The following PMM2 variants were observed in gnomAD, a reference collection of about 807,000 sequenced individuals.
PMM2 encodes the protein mannose-6-phosphate isomerase.
PMM2 carries 35 observed loss-of-function variants against 33.2 expected under a neutral mutation model. The observed-to-expected ratio is 1.06, with a 90% CI of 0.81 to 1.40. The LOEUF (loss-of-function observed/expected upper bound fraction) is 1.40. PMM2 is among the 40% of genes most tolerant of loss of function. The probability of loss-of-function intolerance (pLI) is 0.00; values close to 1 mark genes in which losing one functional copy is unlikely to be tolerated. For synonymous variants in PMM2, 153 were observed against 114.7 expected (o/e 1.33, Z -2.13); for missense variants, 386 against 306.0 (o/e 1.26, Z -1.95).
intron 7 of PMM2, among the ~76,000 whole-genome samples, chr16:8,824,720 A>G (rs1158159616): frequency 6.6e-6 from 1 of 152,088 alleles, no homozygotes; most frequent in African/African-American, 2.4e-5. Context: ...GGTTTGAAAC[A>G]CTAGATATCA....
At position 8,818,165 on chromosome 16, in the gene PMM2, G is replaced by A. The variant is rs535701431; in HGVS notation, c.639+5059G>A. Among the ~76,000 whole-genome samples, 225 of 152,320 alleles carry A rather than the reference G, an allele frequency of 1.5e-3. 1 individual carries two copies. Among genetic ancestry groups the A allele is most frequent in the Non-Finnish European group, 1.7e-3 (115 of 68,028 alleles). On this transcript the variant is annotated intron_variant, in intron 7 of 7. Transcript: ENST00000268261. ...GATCCGTCCGCCTCGGCCTCCCAAA[G>A]TGCTGGGATTACAGGCGTGAGCCAC... is the stretch of plus-strand genomic sequence containing the variant.
chr16:8,843,107 T>A (rs914609432), intron 7 of PMM2, among the ~76,000 whole-genome samples: 3 of 152,076 alleles, frequency 2.0e-5, no homozygotes, highest in Admixed American at 1.3e-4. Flanking sequence ...AAATGAGTGC[T>A]TCAAAGAGTA....
intron 7 of PMM2, among the ~76,000 whole-genome samples, chr16:8,825,347 C>T (rs147793405): frequency 0.023 from 3,518 of 150,816 alleles, 136 homozygotes; most frequent in African/African-American, 0.079. Flanking sequence ...AGTTTTGAGA[C>T]GGAGTTTCAC....
intron 1 of PMM2, among the ~76,000 whole-genome samples, chr16:8,800,642 A>G (rs1211519302): frequency 1.3e-5 from 2 of 151,330 alleles, no homozygotes; most frequent in African/African-American, 4.9e-5. Flanking sequence ...GGTGATTGCA[A>G]TAAAATCAAT....
chr16:8,834,774 G>A (rs1205046273), intron 7 of PMM2, among the ~76,000 whole-genome samples: 3 of 152,110 alleles, frequency 2.0e-5, no homozygotes, highest in Non-Finnish European at 4.4e-5. Context: ...TGGTGGAACC[G>A]CCATCAATAA....
At chr16:8,832,750 G>A (rs577104154) in intron 7 of PMM2, 12,346 of 985,188 alleles carry the variant, frequency 0.013, 85 homozygotes, top group Non-Finnish European at 0.014. Context: ...GCGGCTACCC[G>A]TGAAATCCCA....
In PMM2 at chr16:8,820,967, C is replaced by T. The variant is rs141406208; in HGVS notation, c.639+7861C>T. On this transcript the variant is annotated intron_variant, in intron 7 of 7. Transcript: ENST00000268261. ...ACCATGTCCTCCTGTCCTCAGGTTC[C>T]AAGTTAGGCTTTGGATGGCAGTTGG... Among the ~76,000 whole-genome samples, 625 of 150,088 alleles carry T rather than the reference C, an allele frequency of 4.2e-3. 4 individuals carry two copies. Among genetic ancestry groups the T allele is most frequent in the South Asian group, 0.012 (54 of 4,616 alleles).
At chr16:8,845,945 A>G (rs2060923172) in intron 7 of PMM2, among the ~76,000 whole-genome samples, 1 of 152,168 alleles carries the variant, frequency 6.6e-6, no homozygotes, top group Non-Finnish European at 1.5e-5. Flanking sequence ...TCCGAAGGAA[A>G]AAAAAGGCAA....
At chr16:8,804,396 A>T (rs1260279618) in intron 2 of PMM2, among the ~76,000 whole-genome samples, 2 of 152,110 alleles carry the variant, frequency 1.3e-5, no homozygotes, top group Non-Finnish European at 2.9e-5. Context: ...ATTCTGATTC[A>T]GGAAGCGAGA....
intron 3 of PMM2, 133 bp downstream of exon 3, chr16:8,804,976 T>A (rs2060638811): frequency 1.5e-6 from 1 of 670,348 alleles, no homozygotes. Flanking sequence ...TTGTTTTGCA[T>A]TTTGAACCAT....
At chr16:8,803,366 C>T (rs1386728008) in intron 2 of PMM2, among the ~76,000 whole-genome samples, 2 of 152,182 alleles carry the variant, frequency 1.3e-5, no homozygotes, top group Non-Finnish European at 2.9e-5. Flanking sequence ...CATGATCGCC[C>T]TTTCTGCATC....
chr16:8,849,078 G>A lies in PMM2; in HGVS notation c.*1253G>A, dbSNP rs191099797. 1.3e-5 allele frequency: 2 copies of A among 152,386 alleles called. No individual in the cohort carries two copies. The highest frequency in any genetic ancestry group is 1.9e-4 in the East Asian group (1 of 5,188). 9.4% of individuals were successfully genotyped at this position (152,386 alleles called of 1,614,324 possible). On this transcript the variant is annotated 3_prime_UTR_variant, in exon 8 of 8. Transcript: ENST00000268261. ...CTGAGTCTGGGGCCAGGGGAGCCCA[G>A]GCTGCCCTGCACTCCTGCCTCCCAG...
Position 8,797,966 on chromosome 16 carries a change from G to C in PMM2, c.66+18G>C. 1 of 1,589,008 alleles carries C rather than the reference G, an allele frequency of 6.3e-7. No homozygotes were observed. Among genetic ancestry groups the C allele is most frequent in the Non-Finnish European group, 8.6e-7 (1 of 1,168,950 alleles). On this transcript the variant is annotated intron_variant, in intron 1 of 7. Coordinates refer to ENST00000268261, the MANE Select transcript of PMM2 (RefSeq NM_000303.3). ...CGCGGCAGGTAAGTGGCGGCCGGCG[G>C]GCTGCTGGCAGCCGACGCGGAGCCC...
At chr16:8,827,759 T>TATGC (rs1555451071) in intron 7 of PMM2, among the ~76,000 whole-genome samples, 2 of 75,310 alleles carry the variant, frequency 2.7e-5, no homozygotes, top group African/African-American at 5.0e-5. Context: ...TATATATATA[T>TATGC]ATGCACACAT....
At chr16:8,821,814 T>C (rs2141030108) in intron 7 of PMM2, among the ~76,000 whole-genome samples, 1 of 152,340 alleles carries the variant, frequency 6.6e-6, no homozygotes, top group East Asian at 1.9e-4. Context: ...CCTGATCACT[T>C]TCAAAACATC....
intron 7 of PMM2, among the ~76,000 whole-genome samples, chr16:8,837,553 C>T (rs2060858334): frequency 6.8e-6 from 1 of 148,052 alleles, no homozygotes; most frequent in Non-Finnish European, 1.5e-5. Flanking sequence ...TCCAGAAAAG[C>T]AGAGAAGGGG....
At chr16:8,844,902 G>A (rs2060915001) in intron 7 of PMM2, among the ~76,000 whole-genome samples, 1 of 152,220 alleles carries the variant, frequency 6.6e-6, no homozygotes, top group African/African-American at 2.4e-5. Context: ...TTGGTGAGAT[G>A]TTTCTTGGGC....
rs2060941987 is a variant in PMM2 at position 8,848,238 on chromosome 16, C to T, written c.*413C>T. The T allele has an allele frequency of 4.4e-6, 1 of 228,786 alleles. No homozygotes were observed. Among genetic ancestry groups the T allele is most frequent in the African/African-American group, 2.3e-5 (1 of 43,996 alleles). 14.2% of individuals were successfully genotyped at this position (228,786 alleles called of 1,614,324 possible). On this transcript the variant is annotated 3_prime_UTR_variant, in exon 8 of 8. Transcript: ENST00000268261. The stretch of plus-strand genomic sequence containing the variant: ...TTTTTAATGGGCCCCTGCATCAATA[C>T]CAAACATGGGGGTTTGGTAATGAGA...
chr16:8,802,258 C>CA (rs1266675755), intron 2 of PMM2: 1 of 451,968 alleles, frequency 2.2e-6, no homozygotes, highest in Admixed American at 2.4e-5. Flanking sequence ...GTCCCTCTGA[C>CA]AGCCCCCCTC....
Sources: gnomAD v4.1 joint callset for allele counts (sites outside exome capture counted in the v4.1 genomes callset) on GRCh38, gnomAD v4.1.1 for gene constraint, MANE v1.5 for transcripts, NCBI Gene and HGNC (gene_info 2026-07-23, HGNC 2026-07-21) for gene names.